BPTF: variants seen among roughly 807,000 people sequenced by gnomAD.
BPTF encodes the protein nucleosome-remodeling factor subunit BPTF.
Under a neutral mutation model 292.5 loss-of-function variants are expected in BPTF, and 18 were observed. The observed-to-expected ratio is 0.06, with a 90% confidence interval of 0.04 to 0.09. The LOEUF is 0.09. Ranked by LOEUF, BPTF falls within the 10% of genes least tolerant of loss-of-function variation. The pLI is 1.00. For missense variants in BPTF, 2,726 were observed against 3,498.7 expected (o/e 0.78, Z 5.57); for synonymous variants, 1,225 against 1,251.9 (o/e 0.98, Z 0.45).
At chr17:67,877,041 C>A (rs1016442604) in intron 4 of BPTF, among the ~76,000 whole-genome samples, 1 of 152,010 alleles carries the variant, frequency 6.6e-6, no homozygotes, top group African/African-American at 2.4e-5. Flanking sequence ...AAAAACAAAA[C>A]AATGATCAAA....
At chr17:67,836,225 GTTATAC>G (rs1231984874) in intron 1 of BPTF, among the ~76,000 whole-genome samples, 8 of 152,156 alleles carry the variant, frequency 5.3e-5, no homozygotes, top group South Asian at 2.1e-4. Flanking sequence ...TGCTAAGAAA[GTTATAC>G]TTAGACTTCT....
intron 27 of BPTF, among the ~76,000 whole-genome samples, chr17:67,979,986 C>T (rs782701696): frequency 8.6e-5 from 13 of 151,490 alleles, no homozygotes; most frequent in Non-Finnish European, 1.6e-4. Flanking sequence ...GGTTGCAGAT[C>T]GCACCACTAC....
chr17:67,865,039 CT>C (rs1372023410), intron 2 of BPTF, among the ~76,000 whole-genome samples: 1 of 152,104 alleles, frequency 6.6e-6, no homozygotes, highest in East Asian at 1.9e-4. Flanking sequence ...ATCTCCTGAC[CT>C]TGTGATCCGC....
intron 23 of BPTF, among the ~76,000 whole-genome samples, chr17:67,958,809 A>G (rs1431857168): frequency 4.6e-5 from 7 of 151,840 alleles, no homozygotes; most frequent in African/African-American, 1.7e-4. Flanking sequence ...TACTAAAAAT[A>G]CAAAAAAATT....
intron 26 of BPTF, chr17:67,973,876 T>C (rs1023114243): frequency 1.3e-5 from 2 of 152,146 alleles, no homozygotes; most frequent in African/African-American, 4.8e-5. Flanking sequence ...GAAATTCTTA[T>C]ACTAGATACA....
chr17:67,955,190 A>G (rs540276639), intron 23 of BPTF: 3 of 149,648 alleles, frequency 2.0e-5, no homozygotes, highest in Non-Finnish European at 3.0e-5. Flanking sequence ...AGGCAAGAGA[A>G]TGGCATGAAC....
At position 67,945,456 on chromosome 17, in the gene BPTF, C is replaced by T. The variant is rs781907636; in HGVS notation, c.6748C>T (p.His2250Tyr). The T allele has an allele frequency of 1.9e-6, 3 of 1,614,096 alleles. No individual in the cohort carries two copies. Among genetic ancestry groups the T allele is most frequent in the Non-Finnish European group, 2.5e-6 (3 of 1,179,998 alleles). ...QSKLSPQMQVHQDKTLPPAQS... is the reference protein window; with the variant it reads ...QSKLSPQMQVYQDKTLPPAQS... ...TAAACTGTCACCCCAGATGCAGGTA[C>T]ATCAAGACAAAACCCTGCCACCAGC... The change falls in exon 21 of 28, where the codon CAT becomes TAT. Residue 2250 changes from histidine to tyrosine, a missense_variant. His to Tyr is a moderately conservative substitution (Grantham distance 83, BLOSUM62 2). Around this residue, in one of 22 missense-constraint regions of BPTF, gnomAD observed 570 missense variants for 633.5 expected, o/e 0.90. Coordinates refer to ENST00000306378, the MANE Select transcript of BPTF (RefSeq NM_182641.4).
In BPTF at chr17:67,959,587, T is replaced by C; in HGVS notation, c.7973T>C (p.Met2658Thr). The C allele has an allele frequency of 6.5e-7, 1 of 1,544,110 alleles. No homozygotes were observed. Among genetic ancestry groups the C allele is most frequent in the South Asian group, 1.3e-5 (1 of 78,626 alleles). The change falls in exon 24 of 28, where the codon ATG becomes ACG. Residue 2658 changes from methionine to threonine, a missense_variant. Physicochemically the swap from Met to Thr is moderately conservative, Grantham distance 81. Transcript: ENST00000306378. ...AAAATTAAGAAAGAAAAAGACCTGA[T>C]GCAGTTGGCTCAGGCCACAGCAGTA... The part of the protein sequence containing the change: ...DLKIKKEKDL[M>T]QLAQATAVAA...
Position 67,891,990 on chromosome 17 carries a change from G to T in BPTF, c.2011G>T (p.Ala671Ser). 6.2e-7 allele frequency: 1 copy of T among 1,608,016 alleles called. No individual in the cohort carries two copies. Among genetic ancestry groups the T allele is most frequent in the South Asian group, 1.1e-5 (1 of 89,946 alleles). Residue 671 changes from alanine (A) to serine (S), a missense_variant, in exon 5 of 28, where the codon GCC becomes TCC. Ala to Ser is a moderately conservative substitution (Grantham distance 99). Transcript: ENST00000306378. ...TCAGCTGAAGAGCCAGCAGGTGGCAGCCGCTGCACATGAAGCAAATAAATT... is the reference window on the plus strand; with the variant it reads ...TCAGCTGAAGAGCCAGCAGGTGGCATCCGCTGCACATGAAGCAAATAAATT... ...LSQLKSQQVA[A>S]AAHEANKLFK...
intron 4 of BPTF, among the ~76,000 whole-genome samples, chr17:67,879,060 T>C (rs2060218419): frequency 2.6e-5 from 2 of 76,480 alleles, no homozygotes; most frequent in Non-Finnish European, 2.3e-5. Flanking sequence ...TGTCAGTCTT[T>C]AGTATCAGGA....
At chr17:67,867,489 T>C (rs2059457160) in intron 3 of BPTF, among the ~76,000 whole-genome samples, 1 of 152,236 alleles carries the variant, frequency 6.6e-6, no homozygotes, top group South Asian at 2.1e-4. Flanking sequence ...TGGACCAGTA[T>C]TGATACACTG....
At chr17:67,917,610 G>GGTTTAATTTAATTAATTAATTAATTAATT (rs2063128501) in intron 11 of BPTF, among the ~76,000 whole-genome samples, 1 of 150,770 alleles carries the variant, frequency 6.6e-6, no homozygotes, top group African/African-American at 2.4e-5. Flanking sequence ...AGATGTTTTT[G>GGTTTAATTTAATTAATTAATTAATTAATT]GTTTAATTTA....
chr17:67,902,294 C>T (rs1359857345), intron 7 of BPTF, among the ~76,000 whole-genome samples: 1 of 152,170 alleles, frequency 6.6e-6, no homozygotes, highest in Non-Finnish European at 1.5e-5. Flanking sequence ...GTGAAAATGG[C>T]CCAGTTGCCA....
chr17:67,891,763 G>T (rs908843922), intron 4 of BPTF, 81 bp from the exon 5 acceptor site: 1 of 1,081,452 alleles, frequency 9.2e-7, no homozygotes, highest in Admixed American at 3.2e-5. Flanking sequence ...ACATACACCA[G>T]ATACGAGTTT....
intron 18 of BPTF, chr17:67,936,747 G>T (rs2064948493): frequency 6.6e-6 from 1 of 152,160 alleles, no homozygotes; most frequent in Non-Finnish European, 1.5e-5. Flanking sequence ...AATAGCAACT[G>T]TCATATATTC....
chr17:67,867,970 T>C (rs765404287), intron 3 of BPTF, among the ~76,000 whole-genome samples: 2 of 152,188 alleles, frequency 1.3e-5, no homozygotes, highest in African/African-American at 2.4e-5. Context: ...TCTACCTTCT[T>C]GAAGGGGCAA....
intron 1 of BPTF, among the ~76,000 whole-genome samples, chr17:67,837,447 G>A (rs536203150): frequency 4.6e-5 from 7 of 150,622 alleles, no homozygotes; most frequent in Admixed American, 1.3e-4. Flanking sequence ...TTGCTCTGTC[G>A]CCCAGGCTGG....
chr17:67,885,916 C>G (rs899857732), intron 4 of BPTF, among the ~76,000 whole-genome samples: 3 of 151,780 alleles, frequency 2.0e-5, no homozygotes, highest in Admixed American at 6.6e-5. Flanking sequence ...CTCACCCCCC[C>G]AAAAAAAGTC....
At chr17:67,879,921 C>T (rs2060287516) in intron 4 of BPTF, among the ~76,000 whole-genome samples, 1 of 152,194 alleles carries the variant, frequency 6.6e-6, no homozygotes, top group Non-Finnish European at 1.5e-5. Flanking sequence ...TTAGGCCCCA[C>T]CTCCAACATT....
Sources: allele counts gnomAD v4.1 joint callset (sites outside exome capture counted in the v4.1 genomes callset), GRCh38; gene constraint gnomAD v4.1.1; regional missense constraint gnomAD v4.1.1; transcripts MANE v1.5; gene names NCBI Gene and HGNC (gene_info 2026-07-23, HGNC 2026-07-21).